MRTFA: variants seen among roughly 807,000 people sequenced by gnomAD.
MRTFA encodes the protein myocardin related transcription factor A.
A neutral mutation model predicts 83.5 loss-of-function variants in MRTFA; 20 were observed. That is an observed-to-expected ratio of 0.24 (90% CI 0.17 to 0.35). The LOEUF is 0.35. Among genes scored for constraint, MRTFA ranks in the 10% least tolerant of loss-of-function variants. The probability of loss-of-function intolerance (pLI) is 1.00; values close to 1 mark genes in which losing one functional copy is unlikely to be tolerated. For synonymous variants in MRTFA, 659 were observed against 541.2 expected (o/e 1.22, Z -3.02); for missense variants, 1,200 against 1,224.7 (o/e 0.98, Z 0.30).
At chr22:40,477,722 C>A (rs865994931) in intron 3 of MRTFA, among the ~76,000 whole-genome samples, 17 of 151,542 alleles carry the variant, frequency 1.1e-4, no homozygotes, top group Non-Finnish European at 2.5e-4. Context: ...TATATCAAGC[C>A]ACGCTTATTT....
chr22:40,596,822 A>C (rs151048731), intron 1 of MRTFA, among the ~76,000 whole-genome samples: 1 of 152,076 alleles, frequency 6.6e-6, no homozygotes, highest in Non-Finnish European at 1.5e-5. Context: ...ACAACAACAA[A>C]AAAATAGCTC....
chr22:40,484,374 G>T (rs2054141071), intron 3 of MRTFA, among the ~76,000 whole-genome samples: 1 of 151,980 alleles, frequency 6.6e-6, no homozygotes. Context: ...TGTTGGAATG[G>T]GTTAAAATTC....
At chr22:40,499,311 T>C (rs1012415502) in intron 3 of MRTFA, among the ~76,000 whole-genome samples, 7 of 152,198 alleles carry the variant, frequency 4.6e-5, no homozygotes, top group Non-Finnish European at 7.3e-5. Flanking sequence ...CTTGTTCTGA[T>C]TCTCTGACTA....
At chr22:40,474,826 T>C (rs1034053882) in intron 3 of MRTFA, among the ~76,000 whole-genome samples, 1 of 152,196 alleles carries the variant, frequency 6.6e-6, no homozygotes, top group African/African-American at 2.4e-5. Flanking sequence ...TCAATTCATG[T>C]ATTCAAATGG....
intron 3 of MRTFA, among the ~76,000 whole-genome samples, chr22:40,511,113 GAGGAGAGTTGA>G (rs2054660279): frequency 6.6e-6 from 1 of 152,186 alleles, no homozygotes; most frequent in Non-Finnish European, 1.5e-5. Flanking sequence ...GGACAGATTG[GAGGAGAGTTGA>G]ACTATAGCCA....
At chr22:40,617,542 C>T (rs528725199) in intron 1 of MRTFA, among the ~76,000 whole-genome samples, 3 of 151,790 alleles carry the variant, frequency 2.0e-5, no homozygotes, top group Admixed American at 6.6e-5. Context: ...CTGGCTAACA[C>T]GGTGAAACCC....
chr22:40,519,548 A>G, intron 3 of MRTFA: 1 of 1,350,450 alleles, frequency 7.4e-7, no homozygotes, highest in Non-Finnish European at 9.8e-7. Context: ...ACTGGCTCAA[A>G]GCACTCCAAA....
At chr22:40,543,087 A>C (rs2055314889) in intron 3 of MRTFA, among the ~76,000 whole-genome samples, 1 of 152,230 alleles carries the variant, frequency 6.6e-6, no homozygotes, top group Admixed American at 6.5e-5. Context: ...TCTCTAAGTC[A>C]CATTATAAAC....
rs573016685 is a variant in MRTFA at position 40,457,906 on chromosome 22, T to C, written c.307+5315A>G. ...TCTGATTTGTCTAGGTCAGAAAAACTTCCATGTTTTCCTTTGAAAGGTTAT... is the reference window on the plus strand; with the variant it reads ...TCTGATTTGTCTAGGTCAGAAAAACCTCCATGTTTTCCTTTGAAAGGTTAT... On this transcript the variant is annotated intron_variant, in intron 4 of 14. Transcript: ENST00000355630. Among the ~76,000 whole-genome samples, 5 of 152,274 alleles carry C rather than the reference T, an allele frequency of 3.3e-5. No individual in the cohort carries two copies. The South Asian group carries it at 8.3e-4, about 25-fold the overall frequency.
chr22:40,456,208 G>A (rs1413323829), intron 4 of MRTFA, among the ~76,000 whole-genome samples: 1 of 151,916 alleles, frequency 6.6e-6, no homozygotes, highest in African/African-American at 2.4e-5. Flanking sequence ...CTTTCCAGGG[G>A]CTATAAAAAC....
At position 40,527,971 on chromosome 22, in the gene MRTFA, G is replaced by A. The variant is rs115134290; in HGVS notation, c.241+24135C>T. Among the ~76,000 whole-genome samples the A allele has an allele frequency of 9.5e-3, 1,439 of 152,176 alleles. 26 individuals are homozygous for A. Among genetic ancestry groups the A allele is most frequent in the African/African-American group, 0.033 (1,375 of 41,516 alleles). ...AAATGAATTCAAATTTCTTTGATCC[G>A]CGTCCTAACTCTAAGGGGACTTCAG... On this transcript the variant is annotated intron_variant, in intron 3 of 14. Transcript: ENST00000355630.
chr22:40,412,130 A>G, intron 14 of MRTFA: 1 of 391,722 alleles, frequency 2.6e-6, no homozygotes, highest in Non-Finnish European at 4.4e-6. Context: ...AGAACTTCTA[A>G]AACTCAACAA....
intron 3 of MRTFA, among the ~76,000 whole-genome samples, chr22:40,478,515 C>T (rs1351373255): frequency 6.6e-6 from 1 of 152,152 alleles, no homozygotes; most frequent in Non-Finnish European, 1.5e-5. Context: ...TGGAAGTCCC[C>T]TCTCTCTCAC....
At chr22:40,420,687 C>T in intron 10 of MRTFA, 111 bp from the exon 11 acceptor site, 1 of 1,539,418 alleles carries the variant, frequency 6.5e-7, no homozygotes, top group Non-Finnish European at 8.8e-7. Flanking sequence ...GGGGCAAGGG[C>T]CCAGCAAAGG....
chr22:40,476,448 A>T (rs1377123044), intron 3 of MRTFA, among the ~76,000 whole-genome samples: 2 of 151,894 alleles, frequency 1.3e-5, no homozygotes, highest in Non-Finnish European at 2.9e-5. Flanking sequence ...GTTATTTCTA[A>T]ACATGTTTCT....
At chr22:40,434,894 T>C (rs1294196292) in intron 5 of MRTFA, among the ~76,000 whole-genome samples, 2 of 152,096 alleles carry the variant, frequency 1.3e-5, no homozygotes, top group African/African-American at 2.4e-5. Flanking sequence ...CAGCAGAATA[T>C]TCCTCAGGGG....
intron 9 of MRTFA, among the ~76,000 whole-genome samples, chr22:40,423,149 G>A (rs545957012): frequency 1.3e-5 from 2 of 152,336 alleles, no homozygotes; most frequent in Non-Finnish European, 2.9e-5. Context: ...CTTGAAGGAG[G>A]GGAACACCAC....
chr22:40,426,108 T>C (rs757210250), intron 7 of MRTFA, among the ~76,000 whole-genome samples: 2 of 152,122 alleles, frequency 1.3e-5, no homozygotes, highest in Non-Finnish European at 1.5e-5. Context: ...AAGGGTGGGA[T>C]GGGGAGCTTA....
At chr22:40,456,993 G>A (rs766842585) in intron 4 of MRTFA, among the ~76,000 whole-genome samples, 5 of 152,170 alleles carry the variant, frequency 3.3e-5, no homozygotes, top group Non-Finnish European at 7.4e-5. Context: ...GAAAAAGAAT[G>A]TTGAAACCTA....
Sources: allele counts gnomAD v4.1 joint callset (sites outside exome capture counted in the v4.1 genomes callset), GRCh38; gene constraint gnomAD v4.1.1; transcripts MANE v1.5; gene names NCBI Gene and HGNC (gene_info 2026-07-23, HGNC 2026-07-21).